Variants in RBFOX1 observed in about 807,000 individuals in gnomAD.
RBFOX1 encodes the protein RNA binding fox-1 homolog 1.
In RBFOX1, 8 loss-of-function variants were observed where a neutral mutation model predicts 57.7. That is an observed-to-expected ratio of 0.14 (90% CI 0.08 to 0.25). RBFOX1 has a LOEUF of 0.25. Among genes scored for constraint, RBFOX1 ranks in the 10% least tolerant of loss-of-function variants. The probability of loss-of-function intolerance (pLI) is 1.00; values close to 1 mark genes in which losing one functional copy is unlikely to be tolerated. For missense variants in RBFOX1, 611 were observed against 548.5 expected (o/e 1.11, Z -1.14); for synonymous variants, 326 against 222.4 (o/e 1.47, Z -4.15).
At chr16:5,856,575 G>GTGTATATATATATGTATA (rs1192496608) in intron 3 of RBFOX1, among the ~76,000 whole-genome samples, 2 of 32,920 alleles carry the variant, frequency 6.1e-5, no homozygotes, top group Non-Finnish European at 1.1e-4. Context: ...GTGTGTGTGT[G>GTGTATATATATATGTATA]TATATATATA....
At chr16:6,634,807 TTA>T (rs1491442202) in intron 2 of RBFOX1, among the ~76,000 whole-genome samples, 2 of 103,038 alleles carry the variant, frequency 1.9e-5, no homozygotes, top group African/African-American at 6.3e-5. Flanking sequence ...TATATTTGTA[TTA>T]TATATAATAC....
At chr16:7,326,092 T>C (rs1278839159) in intron 4 of RBFOX1, among the ~76,000 whole-genome samples, 1 of 152,190 alleles carries the variant, frequency 6.6e-6, no homozygotes, top group African/African-American at 2.4e-5. Flanking sequence ...TCACTTGGAC[T>C]CCCTGCGCCT....
chr16:6,281,030 G>A (rs1599137604), intron 1 of RBFOX1, among the ~76,000 whole-genome samples: 1 of 151,502 alleles, frequency 6.6e-6, no homozygotes, highest in East Asian at 2.0e-4. Context: ...ACATATGTAT[G>A]TATATGCTAT....
chr16:5,636,494 A>G (rs1045513840), intron 3 of RBFOX1, among the ~76,000 whole-genome samples: 4 of 152,204 alleles, frequency 2.6e-5, no homozygotes, highest in African/African-American at 7.2e-5. Flanking sequence ...TCATGGGGCC[A>G]GGCATTAACG....
At chr16:5,637,705 A>G (rs2048728551) in intron 3 of RBFOX1, among the ~76,000 whole-genome samples, 1 of 152,194 alleles carries the variant, frequency 6.6e-6, no homozygotes, top group African/African-American at 2.4e-5. Context: ...CAGATGGGGA[A>G]GGATCCCTAA....
At chr16:6,310,512 A>G (rs941081959) in intron 1 of RBFOX1, among the ~76,000 whole-genome samples, 1 of 152,236 alleles carries the variant, frequency 6.6e-6, no homozygotes, top group African/African-American at 2.4e-5. Context: ...ATTTAGCTGT[A>G]GTGTCCTCAC....
chr16:5,633,640 G>A (rs772168182), intron 3 of RBFOX1, among the ~76,000 whole-genome samples: 91 of 152,206 alleles, frequency 6.0e-4, no homozygotes, highest in Non-Finnish European at 1.2e-3. Context: ...TTGGGAGGTC[G>A]AGGTGGGTGG....
rs71386513 is a variant in RBFOX1, at chr16:5,657,732, C to CTTTTTTTTTTTT, written c.318+58775_318+58776insTTTTTTTTTTTT. On this transcript the variant is annotated intron_variant, in intron 3 of 19. Coordinates refer to the RBFOX1 transcript ENST00000641259. Reference sequence around the variant, plus strand: ...TTTCTCTCTTTCTTTTGTTTCTTTTCTTTTCTTTTTTTTTTTTTGAGACAG... The same window carrying CTTTTTTTTTTTT: ...TTTCTCTCTTTCTTTTGTTTCTTTTCTTTTTTTTTTTTTTTTCTTTTTTTTTTTTTGAGACAG... 4.1e-5 allele frequency among the ~76,000 whole-genome samples: 4 copies of CTTTTTTTTTTTT among 98,352 alleles called. 2 individuals are homozygous for CTTTTTTTTTTTT. Among genetic ancestry groups the CTTTTTTTTTTTT allele is most frequent in the Non-Finnish European group, 3.8e-5 (2 of 53,164 alleles). 64.5% of individuals were successfully genotyped at this position (98,352 alleles called of 152,430 possible). A position where few individuals can be genotyped will look rare whatever the true frequency, so the allele number is the denominator to read the frequency against.
chr16:7,597,482 T>C, intron 9 of RBFOX1, 51 bp downstream of exon 9: 1 of 1,454,476 alleles, frequency 6.9e-7, no homozygotes, highest in Non-Finnish European at 9.5e-7. Flanking sequence ...TCTGACTCTT[T>C]AAGTAATTTA....
chr16:6,391,852 C>T (rs1421511312), intron 2 of RBFOX1, among the ~76,000 whole-genome samples: 2 of 152,148 alleles, frequency 1.3e-5, no homozygotes, highest in Non-Finnish European at 2.9e-5. Flanking sequence ...GGAAAACAAA[C>T]ATATATATTG....
chr16:7,225,861 A>C (rs1240005096), intron 4 of RBFOX1, among the ~76,000 whole-genome samples: 1 of 145,948 alleles, frequency 6.9e-6, no homozygotes, highest in African/African-American at 2.6e-5. Context: ...TATGTAACAA[A>C]CCTGCATATT....
chr16:7,227,610 C>G (rs2152894341), intron 4 of RBFOX1, among the ~76,000 whole-genome samples: 1 of 152,270 alleles, frequency 6.6e-6, no homozygotes, highest in South Asian at 2.1e-4. Context: ...GCTGCACGCG[C>G]AAGCATTCCA....
chr16:6,098,190 AC>A (rs1291173988), intron 1 of RBFOX1, among the ~76,000 whole-genome samples: 1 of 152,032 alleles, frequency 6.6e-6, no homozygotes, highest in Non-Finnish European at 1.5e-5. Context: ...AATCTTCCCC[AC>A]CCTGGGAGGG....
intron 4 of RBFOX1, among the ~76,000 whole-genome samples, chr16:7,318,078 G>A (rs1307409871): frequency 6.6e-6 from 1 of 151,948 alleles, no homozygotes; most frequent in African/African-American, 2.4e-5. Flanking sequence ...TGGTAGTAGT[G>A]GTGATGAAGG....
chr16:7,698,860 A>G (rs890801209), intron 14 of RBFOX1, among the ~76,000 whole-genome samples: 7 of 152,196 alleles, frequency 4.6e-5, no homozygotes, highest in East Asian at 3.8e-4. Flanking sequence ...GCTGCATGCA[A>G]TAACAATACC....
chr16:6,390,858 G>C (rs1317798529), intron 2 of RBFOX1, among the ~76,000 whole-genome samples: 1 of 152,106 alleles, frequency 6.6e-6, no homozygotes. Flanking sequence ...GGCCAGGGTT[G>C]CATTTTAGTG....
At chr16:7,201,684 G>C (rs2088537669) in intron 4 of RBFOX1, among the ~76,000 whole-genome samples, 1 of 152,010 alleles carries the variant, frequency 6.6e-6, no homozygotes, top group African/African-American at 2.4e-5. Context: ...GGCTGGTCTT[G>C]AATCCAGACC....
At chr16:7,631,960 A>G (rs2142788852) in intron 11 of RBFOX1, among the ~76,000 whole-genome samples, 1 of 152,274 alleles carries the variant, frequency 6.6e-6, no homozygotes, top group East Asian at 1.9e-4. Context: ...CCCAGGCTGG[A>G]GTGCAGTGGT....
intron 3 of RBFOX1, among the ~76,000 whole-genome samples, chr16:6,871,766 C>G (rs141742818): frequency 1.3e-4 from 20 of 152,244 alleles, no homozygotes; most frequent in African/African-American, 4.6e-4. Flanking sequence ...GAAATTTCTA[C>G]TCTACCTTCC....
Sources: gnomAD v4.1 joint callset for allele counts (sites outside exome capture counted in the v4.1 genomes callset) on GRCh38, gnomAD v4.1.1 for gene constraint, MANE v1.5 for transcripts, NCBI Gene and HGNC (gene_info 2026-07-23, HGNC 2026-07-21) for gene names.